COP1: variants seen among roughly 807,000 people sequenced by gnomAD.
The protein encoded by COP1 is COP1 E3 ubiquitin ligase, also known as E3 ubiquitin-protein ligase COP1.
Under a neutral mutation model 101.3 loss-of-function variants are expected in COP1, and 24 were observed. That is an observed-to-expected ratio of 0.24 (90% CI 0.17 to 0.33). The LOEUF (loss-of-function observed/expected upper bound fraction) is 0.33. COP1 is among the 10% of genes least tolerant of loss of function. The pLI is 1.00. For synonymous variants in COP1, 347 were observed against 341.9 expected (o/e 1.01, Z -0.17); for missense variants, 663 against 906.2 (o/e 0.73, Z 3.45).
chr1:175,989,530 A>T lies in COP1; in HGVS notation c.1730-51T>A, dbSNP rs750646229. The T allele has an allele frequency of 2.9e-6, 3 of 1,052,608 alleles. No individual in the cohort carries two copies. The African/African-American group carries it at 4.7e-5, about 17-fold the overall frequency. 65.2% of individuals were successfully genotyped at this position (1,052,608 alleles called of 1,614,324 possible). A position where few individuals can be genotyped will look rare whatever the true frequency, so the allele number is the denominator to read the frequency against. ...TGTAGTAAATGCAGAAATGGAAAGC[A>T]AAGTTAATTTTAACTGGTTTTTGGT... On this transcript the variant is annotated intron_variant, in intron 15 of 19. Transcript: ENST00000367669.
rs1694699699 is a variant in COP1 at position 176,163,762 on chromosome 1, T to C, written c.642+53A>G. ...TAACATCTAACTAATATTAAACCAATAAAAACAACAAAATGAAATTTATTA... is the reference window on the plus strand; with the variant it reads ...TAACATCTAACTAATATTAAACCAACAAAAACAACAAAATGAAATTTATTA... On this transcript the variant is annotated intron_variant, in intron 4 of 19. Transcript: ENST00000367669. 4 of 1,188,254 alleles carry C rather than the reference T, an allele frequency of 3.4e-6. No individual in the cohort carries two copies. In the South Asian group the frequency reaches 4.3e-5, roughly 13 times the overall value. 73.6% of individuals were successfully genotyped at this position (1,188,254 alleles called of 1,614,324 possible).
chr1:176,011,123 AAAAC>A (rs1477413908), intron 15 of COP1, among the ~76,000 whole-genome samples: 1 of 152,178 alleles, frequency 6.6e-6, no homozygotes, highest in Non-Finnish European at 1.5e-5. Flanking sequence ...GTTGGTGTGA[AAAAC>A]AAAATAATGT....
intron 3 of COP1, among the ~76,000 whole-genome samples, chr1:176,170,599 G>C (rs1307393980): frequency 6.6e-6 from 1 of 151,256 alleles, no homozygotes; most frequent in Admixed American, 6.6e-5. Context: ...ACGCTGAAAA[G>C]AGATATGCTG....
chr1:176,141,082 G>A (rs960420660), intron 6 of COP1, among the ~76,000 whole-genome samples: 2 of 152,180 alleles, frequency 1.3e-5, no homozygotes, highest in Admixed American at 6.5e-5. Context: ...CCTTGATAAA[G>A]ATATGCTTAA....
chr1:175,967,864 A>G (rs1457621832), intron 18 of COP1, among the ~76,000 whole-genome samples: 1 of 151,676 alleles, frequency 6.6e-6, no homozygotes, highest in Non-Finnish European at 1.5e-5. Context: ...GAAGAATAAT[A>G]TTTCTTTTTT....
intron 13 of COP1, 114 bp from the exon 14 acceptor site, chr1:176,043,381 A>C: frequency 1.6e-6 from 1 of 644,680 alleles, no homozygotes; most frequent in Non-Finnish European, 2.7e-6. Context: ...GGGAAAGACA[A>C]CAGGCTAGAA....
chr1:176,080,846 C>T (rs749205682), intron 11 of COP1, among the ~76,000 whole-genome samples: 4 of 152,040 alleles, frequency 2.6e-5, no homozygotes, highest in Non-Finnish European at 5.9e-5. Flanking sequence ...CAATTCTATA[C>T]AAACTTACAG....
intron 11 of COP1, among the ~76,000 whole-genome samples, chr1:176,058,377 G>C (rs1024448489): frequency 6.6e-6 from 1 of 152,202 alleles, no homozygotes; most frequent in Non-Finnish European, 1.5e-5. Flanking sequence ...CTGTGTCTGT[G>C]TAGAAAGAAG....
At chr1:176,126,989 T>C (rs1012525025) in intron 8 of COP1, among the ~76,000 whole-genome samples, 11 of 152,230 alleles carry the variant, frequency 7.2e-5, no homozygotes, top group African/African-American at 2.7e-4. Context: ...TCACATATCT[T>C]ATTTTTCCTC....
At chr1:176,057,373 C>G (rs1277388135) in intron 11 of COP1, among the ~76,000 whole-genome samples, 1 of 152,212 alleles carries the variant, frequency 6.6e-6, no homozygotes, top group East Asian at 1.9e-4. Context: ...CACGATCTCC[C>G]TCTGATGCCG....
At chr1:176,090,467 A>G (rs926362659) in intron 9 of COP1, among the ~76,000 whole-genome samples, 5 of 152,202 alleles carry the variant, frequency 3.3e-5, no homozygotes, top group East Asian at 3.8e-4. Flanking sequence ...CTCTTTGTCA[A>G]TAACTCACAA....
chr1:176,171,717 T>C (rs765373201), intron 3 of COP1, among the ~76,000 whole-genome samples: 5 of 151,904 alleles, frequency 3.3e-5, no homozygotes, highest in Non-Finnish European at 5.9e-5. Context: ...TAAAGTGCAA[T>C]AAAGCAAAGT....
At chr1:176,107,535 T>C (rs1684520986) in intron 9 of COP1, among the ~76,000 whole-genome samples, 1 of 152,082 alleles carries the variant, frequency 6.6e-6, no homozygotes, top group Non-Finnish European at 1.5e-5. Context: ...AGAATATATA[T>C]ATTAATGACC....
intron 8 of COP1, among the ~76,000 whole-genome samples, chr1:176,131,260 A>G (rs1331992727): frequency 6.6e-6 from 1 of 151,862 alleles, no homozygotes; most frequent in Non-Finnish European, 1.5e-5. Flanking sequence ...AACACATAAA[A>G]GGATAGGTTA....
intron 1 of COP1, among the ~76,000 whole-genome samples, chr1:176,187,754 C>T (rs1282485957): frequency 6.6e-6 from 1 of 152,158 alleles, no homozygotes. Flanking sequence ...GCGCTCAATA[C>T]AATGCCTGGC....
intron 1 of COP1, among the ~76,000 whole-genome samples, chr1:176,189,674 G>T (rs1285606756): frequency 6.6e-6 from 1 of 150,782 alleles, no homozygotes; most frequent in Non-Finnish European, 1.5e-5. Context: ...TAGTAATGAT[G>T]AACATAAATA....
intron 8 of COP1, among the ~76,000 whole-genome samples, chr1:176,129,284 T>C (rs1485796764): frequency 1.3e-5 from 2 of 151,794 alleles, no homozygotes; most frequent in Admixed American, 6.6e-5. Flanking sequence ...GAAATACAAA[T>C]AAAAGGTATG....
chr1:176,111,804 T>C (rs1333959922), intron 9 of COP1, among the ~76,000 whole-genome samples: 3 of 152,220 alleles, frequency 2.0e-5, no homozygotes, highest in Non-Finnish European at 2.9e-5. Flanking sequence ...CAATTGTTTT[T>C]GTCTCCATTT....
chr1:176,093,756 T>C (rs4603086), intron 9 of COP1, among the ~76,000 whole-genome samples: 114,772 of 151,898 alleles, frequency 0.76, 45,122 homozygotes, highest in East Asian at 0.92. Flanking sequence ...AGGAGAATGC[T>C]GTGAACCTGG....
Sources: allele counts gnomAD v4.1 joint callset (sites outside exome capture counted in the v4.1 genomes callset), GRCh38; gene constraint gnomAD v4.1.1; transcripts MANE v1.5; gene names NCBI Gene and HGNC (gene_info 2026-07-23, HGNC 2026-07-21).